The following EPG5 variants were observed in gnomAD, a reference collection of about 807,000 sequenced individuals.
EPG5 encodes the protein ectopic P granules protein 5 homolog.
A neutral mutation model predicts 302.7 loss-of-function variants in EPG5; 159 were observed. That is an observed-to-expected ratio of 0.53 (90% CI 0.46 to 0.60). The LOEUF (loss-of-function observed/expected upper bound fraction) is 0.60. Among genes scored for constraint, EPG5 ranks in the 20% least tolerant of loss-of-function variants. The probability of loss-of-function intolerance (pLI) is 0.00; values close to 1 mark genes in which losing one functional copy is unlikely to be tolerated. For synonymous variants in EPG5, 1,158 were observed against 1,136.8 expected (o/e 1.02, Z -0.37); for missense variants, 2,896 against 3,092.4 (o/e 0.94, Z 1.51).
chr18:45,879,121 T>C lies in EPG5; in HGVS notation c.5761A>G (p.Ser1921Gly). ...FKSFGLFSKW[S>G]PYMADVKTFL... ...GTCTTCACATCAGCCATATAAGGAC[T>C]CCATTTTGAGAATAAACCAAAGCTT... The change falls in exon 33 of 44, where the codon AGT becomes GGT. Residue 1921 changes from serine (S) to glycine (G), a missense_variant. By Grantham distance (56) the Ser-to-Gly change is moderately conservative (BLOSUM62 0). Coordinates refer to ENST00000282041, the MANE Select transcript of EPG5 (RefSeq NM_020964.3). 6.2e-7 allele frequency: 1 copy of C among 1,614,128 alleles called. No individual in the cohort carries two copies.
intron 14 of EPG5, among the ~76,000 whole-genome samples, chr18:45,925,283 C>T (rs909784801): frequency 5.9e-5 from 9 of 152,086 alleles, no homozygotes; most frequent in Admixed American, 3.9e-4. Context: ...ACCAGCCTGG[C>T]CAACATGGCA....
At chr18:45,878,107 A>C (rs141058756) in intron 34 of EPG5, among the ~76,000 whole-genome samples, 376 of 152,300 alleles carry the variant, frequency 2.5e-3, no homozygotes, top group African/African-American at 8.5e-3. Flanking sequence ...TTAAACACTA[A>C]AGTTTATTCA....
intron 11 of EPG5, among the ~76,000 whole-genome samples, chr18:45,932,904 C>T (rs1286908188): frequency 6.6e-6 from 1 of 152,318 alleles, no homozygotes; most frequent in East Asian, 1.9e-4. Context: ...ACTGCCACTT[C>T]AGGGTCTGGA....
rs1467417971 is a variant in EPG5 at position 45,847,634 on chromosome 18, T to C, written c.*4833A>G. ...TAAATTAAATTCGAATCTAGTTTAT[T>C]TGCAGAATTTTACTTAACCAGTTGT... On this transcript the variant is annotated 3_prime_UTR_variant, in exon 44 of 44. Coordinates refer to ENST00000282041, the MANE Select transcript of EPG5 (RefSeq NM_020964.3). The C allele has an allele frequency of 6.6e-6, 1 of 152,628 alleles. No homozygotes were observed. The allele number at this position is 152,628 out of a possible 1,614,324, so 9.5% of individuals were successfully genotyped here.
chr18:45,913,065 C>T (rs9955829), intron 21 of EPG5, among the ~76,000 whole-genome samples: 38,304 of 148,506 alleles, frequency 0.26, 5,945 homozygotes, highest in African/African-American at 0.42. Context: ...AATTCCAGCC[C>T]GGGCGACAGG....
chr18:45,860,224 C>T lies in EPG5; in HGVS notation c.6889G>A (p.Gly2297Ser). 1 of 1,614,212 alleles carries T rather than the reference C, an allele frequency of 6.2e-7. No homozygotes were observed. The highest frequency in any genetic ancestry group is 8.5e-7 in the Non-Finnish European group (1 of 1,180,032). ...FLRGSIRTWI[G>S]QKMHGLVVLP... ...ACCACCAGCCCATGCATTTTTTGGC[C>T]AATCCAGGTCCGGATACTGCCCCGA... The change falls in exon 40 of 44, where the codon GGC becomes AGC. Residue 2297 changes from glycine to serine, a missense_variant. This residue lies in a region of EPG5 where 620 missense variants were observed against 704.2 expected (regional missense o/e 0.88). Transcript: ENST00000282041.
At chr18:45,844,650 G>A (rs1375765784), downstream of EPG5, among the ~76,000 whole-genome samples, 4 of 152,162 alleles carry the variant, frequency 2.6e-5, no homozygotes, top group Admixed American at 2.6e-4. Flanking sequence ...CAGGCCAGTG[G>A]GTTGCAAAGC....
At chr18:45,867,853 C>CTGTGGGTGCAGCGCACCAGCATGGCA in intron 36 of EPG5, 105 bp from the exon 37 acceptor site, 1 of 975,084 alleles carries the variant, frequency 1.0e-6, no homozygotes, top group East Asian at 2.6e-5. Flanking sequence ...AACACTTTTT[C>CTGTGGGTGCAGCGCACCAGCATGGCA]CCCAGATTAT....
the EPG5 span, among the ~76,000 whole-genome samples, chr18:45,816,606 A>T: frequency 6.6e-6 from 1 of 152,204 alleles, no homozygotes; most frequent in Non-Finnish European, 1.5e-5. Context: ...AGGAATGGCC[A>T]TAATAAAAAA....
Position 45,867,710 on chromosome 18 carries a change from C to T in EPG5, c.6264G>A (p.Leu2088=). The change falls in exon 37 of 44, where the codon TTG becomes TTA. Residue 2088 remains leucine, a synonymous_variant. Coordinates refer to ENST00000282041, the MANE Select transcript of EPG5 (RefSeq NM_020964.3). Reference sequence around the variant, plus strand: ...AGTTGACTTCACAGAGTACAGACCCCAAAAATAAGAAACAGCTCTTGGGGC... The same window carrying T: ...AGTTGACTTCACAGAGTACAGACCCTAAAAATAAGAAACAGCTCTTGGGGC... ...RGSPKSCFLF[L]GSVLCEVNWV... The T allele has an allele frequency of 7.5e-6, 12 of 1,606,790 alleles. No individual in the cohort carries two copies. Among genetic ancestry groups the T allele is most frequent in the Non-Finnish European group, 1.0e-5 (12 of 1,177,664 alleles).
In EPG5 at chr18:45,848,001, T is replaced by TC. The variant is rs398120422; in HGVS notation, c.*4465dup. 6.6e-6 allele frequency: 1 copy of TC among 152,300 alleles called. No homozygotes were observed. The highest frequency in any genetic ancestry group is 1.5e-5 in the Non-Finnish European group (1 of 68,012). 9.4% of individuals were successfully genotyped at this position (152,300 alleles called of 1,614,324 possible). ...GATCAGTAGTATAATTATTTTTTTT[T>TC]CAAGTTATTTTCATCAGGAATCAGG... On this transcript the variant is annotated 3_prime_UTR_variant, in exon 44 of 44. Coordinates refer to ENST00000282041, the MANE Select transcript of EPG5 (RefSeq NM_020964.3).
At chr18:45,814,640 A>G in the EPG5 span, among the ~76,000 whole-genome samples, 4 of 152,236 alleles carry the variant, frequency 2.6e-5, no homozygotes, top group Non-Finnish European at 5.9e-5. Context: ...AAAGAATCAT[A>G]AAGTGTTAGA....
the EPG5 span, among the ~76,000 whole-genome samples, chr18:45,811,378 T>C: frequency 5.9e-5 from 9 of 152,254 alleles, 1 homozygote; most frequent in African/African-American, 2.2e-4. Flanking sequence ...TTCCAATCAA[T>C]AGAGAAAGAG....
intron 14 of EPG5, among the ~76,000 whole-genome samples, chr18:45,924,001 T>C (rs1218288068): frequency 1.3e-5 from 2 of 148,706 alleles, no homozygotes; most frequent in Non-Finnish European, 3.0e-5. Flanking sequence ...CACTCCAGCC[T>C]GGGTGACAGA....
At position 45,951,104 on chromosome 18, in the gene EPG5, A is replaced by C. The variant is rs777785904; in HGVS notation, c.1387T>G (p.Leu463Val). 1.9e-6 allele frequency: 3 copies of C among 1,568,912 alleles called. No homozygotes were observed. Among genetic ancestry groups the C allele is most frequent in the Non-Finnish European group, 1.7e-6 (2 of 1,160,646 alleles). ...TGTGTCTATCTCTGTCCCCTTACCA[A>C]TTTCTGCAGCCAGAGAAGAATATCA... ...HDDILLWLQK[L>V]VSVLQRVGCP... Residue 463 changes from leucine to valine, a missense_variant and splice_region_variant, in exon 4 of 44, where the codon TTG (leucine) becomes GTG (valine). Leu to Val is a conservative substitution (Grantham distance 32). Around this residue, in one of 5 missense-constraint regions of EPG5, gnomAD observed 1,390 missense variants for 1,430.0 expected, o/e 0.97. Transcript: ENST00000282041.
intron 36 of EPG5, among the ~76,000 whole-genome samples, chr18:45,868,273 G>C (rs182625063): frequency 5.3e-5 from 8 of 152,150 alleles, no homozygotes; most frequent in Admixed American, 2.0e-4. Context: ...TGCTGTCCCA[G>C]GGACCACACT....
At chr18:45,947,403 C>A (rs960100608) in intron 6 of EPG5, among the ~76,000 whole-genome samples, 1 of 151,836 alleles carries the variant, frequency 6.6e-6, no homozygotes, top group Non-Finnish European at 1.5e-5. Context: ...AAGAGAGAGA[C>A]TCCCTCTCAA....
At chr18:45,921,402 A>G (rs141202296) in intron 16 of EPG5, among the ~76,000 whole-genome samples, 79 of 151,742 alleles carry the variant, frequency 5.2e-4, no homozygotes, top group Middle Eastern at 3.4e-3. Context: ...AATGCATAAG[A>G]AAAGAATCTT....
intron 11 of EPG5, among the ~76,000 whole-genome samples, chr18:45,931,228 T>G (rs796191184): frequency 4.6e-5 from 7 of 152,292 alleles, no homozygotes; most frequent in African/African-American, 1.7e-4. Flanking sequence ...TTGGTAACTG[T>G]CAGACAAACA....
Sources: gnomAD v4.1 joint callset for allele counts (sites outside exome capture counted in the v4.1 genomes callset) on GRCh38, gnomAD v4.1.1 for gene constraint, gnomAD v4.1.1 regional missense constraint, MANE v1.5 for transcripts, NCBI Gene and HGNC (gene_info 2026-07-23, HGNC 2026-07-21) for gene names.